Variants in APC observed in about 807,000 individuals in gnomAD.
The protein encoded by APC is adenomatous polyposis coli protein.
A neutral mutation model predicts 247.0 loss-of-function variants in APC; 72 were observed. The ratio of observed to expected loss-of-function variants is 0.29; its 90% CI spans 0.24 to 0.35. The LOEUF is 0.35. Among genes scored for constraint, APC ranks in the 10% least tolerant of loss-of-function variants. The probability of loss-of-function intolerance (pLI) is 1.00; values close to 1 mark genes in which losing one functional copy is unlikely to be tolerated. For missense variants in APC, 3,400 were observed against 3,360.7 expected (o/e 1.01, Z -0.29); for synonymous variants, 1,254 against 1,162.5 (o/e 1.08, Z -1.60).
At chr5:112,765,336 A>C (rs1756164292) in intron 2 of APC, among the ~76,000 whole-genome samples, 1 of 151,802 alleles carries the variant, frequency 6.6e-6, no homozygotes, top group Admixed American at 6.6e-5. Context: ...CTGGTCTCAA[A>C]CTCCTGGACT....
At chr5:112,730,980 G>A (rs542076575) in intron 1 of APC, among the ~76,000 whole-genome samples, 48 of 151,824 alleles carry the variant, frequency 3.2e-4, no homozygotes, top group Middle Eastern at 3.4e-3. Flanking sequence ...GTGTACATAC[G>A]CAATTTATTT....
chr5:112,786,745 A>G (rs554703569), intron 6 of APC, among the ~76,000 whole-genome samples: 1 of 152,318 alleles, frequency 6.6e-6, no homozygotes, highest in African/African-American at 2.4e-5. Flanking sequence ...ATACTTATTC[A>G]TGTCTTGTAA....
chr5:112,840,118 T>C lies in APC; in HGVS notation c.4524T>C (p.Ala1508=), dbSNP rs767025305. 6.2e-7 allele frequency: 1 copy of C among 1,614,076 alleles called. No individual in the cohort carries two copies. Among genetic ancestry groups the C allele is most frequent in the Admixed American group, 1.7e-5 (1 of 60,010 alleles). ...TTTCTTGTTCATCCAGCCTGAGTGC[T>C]CTGAGCCTCGATGAGCCATTTATAC... ...DGFSCSSSLS[A]LSLDEPFIQK... Residue 1508 remains alanine, a synonymous_variant, in exon 16 of 16, where the codon GCT becomes GCC. Coordinates refer to ENST00000257430, the MANE Select transcript of APC (RefSeq NM_000038.6). The surrounding 1 kb of genome is among the most constrained non-coding windows in gnomAD (Gnocchi z 4.1).
At chr5:112,835,293 TAAC>T in intron 15 of APC, 128 bp downstream of exon 15, 4 of 805,024 alleles carry the variant, frequency 5.0e-6, no homozygotes, top group Non-Finnish European at 8.2e-6. Flanking sequence ...TGTGAAAAGA[TAAC>T]TACTAACTCT....
Position 112,840,649 on chromosome 5 carries a change from A to T in APC, c.5055A>T (p.Glu1685Asp), listed in dbSNP as rs1365746402. 1.2e-6 allele frequency: 2 copies of T among 1,613,906 alleles called. No homozygotes were observed. The highest frequency in any genetic ancestry group is 2.7e-5 in the African/African-American group (2 of 74,930). The change falls in exon 16 of 16, where the codon GAA (glutamate) becomes GAT (aspartate). Residue 1685 changes from glutamate (E) to aspartate (D), a missense_variant. Glu to Asp is a conservative substitution (Grantham distance 45, BLOSUM62 2). This residue lies in a region of APC where 1,788 missense variants were observed against 1,649.5 expected (regional missense o/e 1.08). Coordinates refer to ENST00000257430, the MANE Select transcript of APC (RefSeq NM_000038.6). The surrounding 1 kb of genome is among the most constrained non-coding windows in gnomAD (Gnocchi z 4.1). ...GAGGGGCACAGTCAGGTGAATTTGA[A>T]AAACGAGATACCATTCCTACAGAAG... is the stretch of plus-strand genomic sequence containing the variant. ...VRGGAQSGEF[E>D]KRDTIPTEGR... is the part of the protein sequence containing the mutation.
At chr5:112,728,321 G>A (rs1308057915) in intron 1 of APC, among the ~76,000 whole-genome samples, 1 of 152,048 alleles carries the variant, frequency 6.6e-6, no homozygotes, top group Admixed American at 6.6e-5. Flanking sequence ...TAGTAGAGAC[G>A]GGGTTTCACC....
intron 1 of APC, among the ~76,000 whole-genome samples, chr5:112,740,467 A>C (rs1237445764): frequency 6.6e-6 from 1 of 151,568 alleles, no homozygotes; most frequent in Non-Finnish European, 1.5e-5. Context: ...AATATTCATA[A>C]ATGTTTTATG....
rs974645497 is a variant in APC, at chr5:112,768,481, G to A, written c.422+1091G>A. Reference sequence around the variant, plus strand: ...AAGATGACTCTTTTCATTATGGAAGGCCCACTACAAGTGGCCACAAATGAA... The same window carrying A: ...AAGATGACTCTTTTCATTATGGAAGACCCACTACAAGTGGCCACAAATGAA... On this transcript the variant is annotated intron_variant, in intron 4 of 15. Transcript: ENST00000257430. Among the ~76,000 whole-genome samples the A allele has an allele frequency of 6.0e-5, 9 of 149,056 alleles. No homozygotes were observed. In the East Asian group the frequency reaches 7.8e-4, roughly 13 times the overall value.
chr5:112,741,150 A>G (rs1396272843), intron 1 of APC, among the ~76,000 whole-genome samples: 1 of 152,226 alleles, frequency 6.6e-6, no homozygotes, highest in African/African-American at 2.4e-5. Flanking sequence ...TGCTGGAGTC[A>G]AATAAGACAC....
At chr5:112,821,804 A>C in intron 10 of APC, 92 bp from the exon 11 acceptor site, 2 of 989,176 alleles carry the variant, frequency 2.0e-6, no homozygotes, top group Non-Finnish European at 3.2e-6. Context: ...TTAGGGTTAT[A>C]TTAGTGATCC....
chr5:112,707,723 CG>C lies in APC; in HGVS notation c.7del (p.Ala3ProfsTer77). 1.5e-6 allele frequency: 2 copies of C among 1,370,654 alleles called. No homozygotes were observed. Among genetic ancestry groups the C allele is most frequent in the Non-Finnish European group, 1.9e-6 (2 of 1,038,800 alleles). The allele number at this position is 1,370,654 out of a possible 1,614,324, so 84.9% of individuals were successfully genotyped here. A position where few individuals can be genotyped will look rare whatever the true frequency, so the allele number is the denominator to read the frequency against. ...CTCGGGCCTCGGCGCCCCCTATGTA[CG>C]CCTCCCTGGGCTCGGGTCCGGTCGC... On this transcript the variant is annotated frameshift_variant, in exon 1 of 14. Coordinates refer to the APC transcript ENST00000507379. LOFTEE classifies it high-confidence loss of function.
At chr5:112,745,725 G>A (rs11955376) in intron 1 of APC, among the ~76,000 whole-genome samples, 1,906 of 151,564 alleles carry the variant, frequency 0.013, 51 homozygotes, top group African/African-American at 0.043. Context: ...GTGCCACCAC[G>A]CCCAGCTAAT....
At chr5:112,741,377 G>T (rs574799757) in intron 1 of APC, among the ~76,000 whole-genome samples, 2 of 152,214 alleles carry the variant, frequency 1.3e-5, no homozygotes, top group South Asian at 4.1e-4. Flanking sequence ...TACTTTTGAA[G>T]TACTAAGTAT....
chr5:112,843,367 T>C lies in APC; in HGVS notation c.7773T>C (p.His2591=), dbSNP rs754977173. ...SEKAKSEDEK[H]VNSISGTKQS... ...AAGCAAAAAGTGAGGATGAAAAACA[T>C]GTGAACTCTATTTCAGGAACCAAAC... is the stretch of plus-strand genomic sequence containing the variant. The change falls in exon 16 of 16, where the codon CAT becomes CAC. Residue 2591 remains histidine, a synonymous_variant. Transcript: ENST00000257430. This position sits in a 1 kb window ranked among gnomAD's most constrained non-coding sequence, Gnocchi z 4.8. 1.2e-6 allele frequency: 2 copies of C among 1,613,878 alleles called. No homozygotes were observed. The highest frequency in any genetic ancestry group is 1.7e-6 in the Non-Finnish European group (2 of 1,179,852).
chr5:112,803,034 A>C (rs377699203), intron 8 of APC, among the ~76,000 whole-genome samples: 7 of 152,280 alleles, frequency 4.6e-5, no homozygotes, highest in East Asian at 3.9e-4. Flanking sequence ...ACATGGAAAG[A>C]TGGTCAACTT....
rs876658835 is a variant in APC at position 112,840,818 on chromosome 5, C to T, written c.5224C>T (p.Arg1742Cys). 6 of 1,613,918 alleles carry T rather than the reference C, an allele frequency of 3.7e-6. No individual in the cohort carries two copies. The highest frequency in any genetic ancestry group is 1.3e-5 in the African/African-American group (1 of 74,900). ...CAAAGGGAAAAGTCACAAGCCTTTCCGTGTGAAAAAGATAATGGACCAGGT... is the reference window on the plus strand; with the variant it reads ...CAAAGGGAAAAGTCACAAGCCTTTCTGTGTGAAAAAGATAATGGACCAGGT... ...MPKGKSHKPF[R>C]VKKIMDQVQQ... Residue 1742 changes from arginine to cysteine, a missense_variant, in exon 16 of 16, where the codon CGT becomes TGT. By Grantham distance (180) the Arg-to-Cys change is radical. This residue lies in a region of APC where 1,788 missense variants were observed against 1,649.5 expected (regional missense o/e 1.08). Coordinates refer to ENST00000257430, the MANE Select transcript of APC (RefSeq NM_000038.6). The surrounding 1 kb of genome is among the most constrained non-coding windows in gnomAD (Gnocchi z 4.1).
intron 14 of APC, among the ~76,000 whole-genome samples, chr5:112,833,493 T>G (rs551185352): frequency 6.6e-6 from 1 of 152,128 alleles, no homozygotes; most frequent in Non-Finnish European, 1.5e-5. Context: ...CTGGCTACTT[T>G]TTATATTTTT....
At chr5:112,832,959 G>A (rs1470415799) in intron 14 of APC, among the ~76,000 whole-genome samples, 1 of 151,766 alleles carries the variant, frequency 6.6e-6, no homozygotes, top group Non-Finnish European at 1.5e-5. Flanking sequence ...TCTAATTAAT[G>A]TTTGTTTCCT....
intron 7 of APC, among the ~76,000 whole-genome samples, chr5:112,799,183 CAA>C (rs754181440): frequency 9.1e-4 from 73 of 79,866 alleles, no homozygotes; most frequent in African/African-American, 2.1e-3. Flanking sequence ...GACTCTGTCT[CAA>C]AAAAAAAAAA....
Sources: allele counts gnomAD v4.1 joint callset (sites outside exome capture counted in the v4.1 genomes callset), GRCh38; gene constraint gnomAD v4.1.1; regional missense constraint gnomAD v4.1.1; non-coding constraint Gnocchi (gnomAD v3.1); transcripts MANE v1.5; gene names NCBI Gene and HGNC (gene_info 2026-07-23, HGNC 2026-07-21).